Variants in GARIN5B observed in about 807,000 individuals in gnomAD.
GARIN5B encodes golgi associated RAB2 interactor family member 5B, also known as Golgi-associated RAB2 interactor protein 5B.
the GARIN5B span, chr19:55,361,223 C>T: frequency 0.084 from 130,774 of 1,550,970 alleles, 7,607 homozygotes; most frequent in African/African-American, 0.29. Context: ...CGGAAAGTTG[C>T]GCTCAGCAAC....
the GARIN5B span, chr19:55,358,317 T>A: frequency 1.9e-5 from 29 of 1,541,456 alleles, no homozygotes; most frequent in East Asian, 6.1e-4. Flanking sequence ...GACACCCTCT[T>A]GGGCTGCTGG....
chr19:55,358,390 G>A, the GARIN5B span: 7 of 1,507,428 alleles, frequency 4.6e-6, no homozygotes, highest in Non-Finnish European at 6.2e-6. Context: ...ATGGCCGTAA[G>A]TCCTCCCACG....
At chr19:55,361,060 A>C in the GARIN5B span, 1 of 1,551,062 alleles carries the variant, frequency 6.4e-7, no homozygotes, top group Non-Finnish European at 8.7e-7. Flanking sequence ...GATGAGGGGC[A>C]CAGAGTCGCC....
the GARIN5B span, among the ~76,000 whole-genome samples, chr19:55,361,597 G>T: frequency 6.7e-6 from 1 of 149,310 alleles, no homozygotes; most frequent in Non-Finnish European, 1.5e-5. Flanking sequence ...GTCAGACCCA[G>T]GAGTCCAGGC....
the GARIN5B span, chr19:55,358,419 T>C: frequency 3.3e-6 from 5 of 1,507,408 alleles, no homozygotes; most frequent in Non-Finnish European, 4.4e-6. Flanking sequence ...GTCAGGGGGA[T>C]AGGCGCCTGG....
the GARIN5B span, chr19:55,359,534 G>T: frequency 3.9e-6 from 6 of 1,549,010 alleles, no homozygotes; most frequent in Middle Eastern, 3.3e-4. Context: ...AGGAGCTGAC[G>T]CAGCTGGGGC....
the GARIN5B span, chr19:55,360,643 C>G: frequency 6.5e-7 from 1 of 1,540,160 alleles, no homozygotes. Flanking sequence ...CCTCCAGCCC[C>G]TCCTCCCTCA....
chr19:55,359,924 G>C, the GARIN5B span: 1 of 1,551,240 alleles, frequency 6.4e-7, no homozygotes, highest in Non-Finnish European at 8.7e-7. Context: ...ACAGTGTGAA[G>C]GGCTCTCAAC....
the GARIN5B span, chr19:55,359,912 A>G: frequency 6.4e-7 from 1 of 1,551,274 alleles, no homozygotes; most frequent in African/African-American, 1.4e-5. Context: ...GTCAGCTGAG[A>G]CACAGTGTGA....
chr19:55,360,078 A>G, the GARIN5B span: 2 of 1,123,094 alleles, frequency 1.8e-6, no homozygotes, highest in Non-Finnish European at 2.5e-6. Flanking sequence ...CAGACTCAGG[A>G]GTCCAGGCCC....
At chr19:55,355,893 G>A in the GARIN5B span, among the ~76,000 whole-genome samples, 2 of 152,006 alleles carry the variant, frequency 1.3e-5, no homozygotes, top group Non-Finnish European at 2.9e-5. Flanking sequence ...GGCTGAGGCA[G>A]GAGAATCACC....
At chr19:55,363,036 C>A in the GARIN5B span, 1 of 1,498,226 alleles carries the variant, frequency 6.7e-7, no homozygotes, top group South Asian at 1.3e-5. The surrounding 1 kb of genome is among the most constrained non-coding windows in gnomAD (Gnocchi z 4.0). Flanking sequence ...TGGAGCGGCT[C>A]AAGGCACCTC....
the GARIN5B span, among the ~76,000 whole-genome samples, chr19:55,356,776 AC>A: frequency 1.3e-5 from 2 of 152,062 alleles, no homozygotes; most frequent in South Asian, 4.2e-4. Flanking sequence ...CTGGCTGGGC[AC>A]GGTGGCTCAC....
chr19:55,356,716 C>T, the GARIN5B span, among the ~76,000 whole-genome samples: 1 of 152,126 alleles, frequency 6.6e-6, no homozygotes, highest in Non-Finnish European at 1.5e-5. Context: ...CATGCAACCA[C>T]CTCTACCTAG....
At chr19:55,359,897 G>A in the GARIN5B span, 3 of 1,551,362 alleles carry the variant, frequency 1.9e-6, no homozygotes, top group African/African-American at 2.7e-5. Context: ...GAAGCCATCA[G>A]GGCTGTCAGC....
the GARIN5B span, among the ~76,000 whole-genome samples, chr19:55,356,741 T>C: frequency 6.6e-6 from 1 of 152,084 alleles, no homozygotes; most frequent in African/African-American, 2.4e-5. Context: ...AGGGCATTTG[T>C]ATCACCCACA....
the GARIN5B span, chr19:55,359,105 G>A: frequency 3.4e-4 from 521 of 1,551,216 alleles, 2 homozygotes; most frequent in Middle Eastern, 4.2e-3. Flanking sequence ...CGTCACCACC[G>A]GCTCCGGTTT....
chr19:55,356,742 A>G, the GARIN5B span, among the ~76,000 whole-genome samples: 1,503 of 152,198 alleles, frequency 9.9e-3, 11 homozygotes, highest in Admixed American at 0.018. Flanking sequence ...GGGCATTTGT[A>G]TCACCCACAA....
chr19:55,362,538 G>C, the GARIN5B span: 1 of 1,530,812 alleles, frequency 6.5e-7, no homozygotes, highest in Non-Finnish European at 8.8e-7. Context: ...TAGAGCAGGA[G>C]GGGTGGAGGG....
Sources: gnomAD v4.1 joint callset for allele counts (sites outside exome capture counted in the v4.1 genomes callset) on GRCh38, gnomAD v4.1.1 for gene constraint, Gnocchi (gnomAD v3.1) non-coding constraint, MANE v1.5 for transcripts, NCBI Gene and HGNC (gene_info 2026-07-23, HGNC 2026-07-21) for gene names.